Variants in PDE6C observed in about 807,000 individuals in gnomAD.
PDE6C encodes the protein cone cGMP-specific 3',5'-cyclic phosphodiesterase subunit alpha'.
A neutral mutation model predicts 113.1 loss-of-function variants in PDE6C; 75 were observed. That is an observed-to-expected ratio of 0.66 (90% CI 0.55 to 0.80). The LOEUF is 0.80. Among genes scored for constraint, PDE6C ranks in the 30% least tolerant of loss-of-function variants. The pLI is 0.00. For missense variants in PDE6C, 912 were observed against 1,038.6 expected (o/e 0.88, Z 1.67); for synonymous variants, 375 against 363.7 (o/e 1.03, Z -0.35).
intron 18 of PDE6C, among the ~76,000 whole-genome samples, chr10:93,659,422 G>A (rs1272095828): frequency 6.6e-6 from 1 of 152,148 alleles, no homozygotes; most frequent in Non-Finnish European, 1.5e-5. Flanking sequence ...AGAAATGTCT[G>A]AGTTTTTAAA....
At chr10:93,621,138 G>A (rs867462463) in intron 3 of PDE6C, among the ~76,000 whole-genome samples, 158 bp downstream of exon 3, 4 of 151,814 alleles carry the variant, frequency 2.6e-5, no homozygotes, top group Admixed American at 1.3e-4. Context: ...TGATCTTCCC[G>A]CCACTCTCCC....
chr10:93,619,746 C>T (rs560719396), intron 1 of PDE6C, among the ~76,000 whole-genome samples: 2 of 152,294 alleles, frequency 1.3e-5, no homozygotes, highest in East Asian at 3.9e-4. Context: ...AACCTTTCAT[C>T]AAAGTAATCT....
chr10:93,648,776 T>C (rs909982158), intron 15 of PDE6C, among the ~76,000 whole-genome samples: 1 of 152,218 alleles, frequency 6.6e-6, no homozygotes, highest in Non-Finnish European at 1.5e-5. Context: ...TAGAATATAC[T>C]GTAGAAATGA....
In PDE6C at chr10:93,640,171, G is replaced by GT; in HGVS notation, c.1590dup (p.Glu531Ter). The GT allele has an allele frequency of 6.2e-7, 1 of 1,613,558 alleles. No individual in the cohort carries two copies. ...GATTGATTAAATGTGGAATACGACT[G>GT]TTTTTTGAAATAAATGTGGTGGAGA... On this transcript the variant is annotated frameshift_variant, in exon 12 of 22. Coordinates refer to ENST00000371447, the MANE Select transcript of PDE6C (RefSeq NM_006204.4). LOFTEE classifies it high-confidence loss of function.
intron 15 of PDE6C, among the ~76,000 whole-genome samples, chr10:93,655,396 T>A (rs983922809): frequency 1.1e-4 from 16 of 151,666 alleles, no homozygotes; most frequent in Non-Finnish European, 2.2e-4. Context: ...AAATTCTTTA[T>A]TAAAGCTTCT....
chr10:93,613,387 C>T (rs2058402548), intron 1 of PDE6C, among the ~76,000 whole-genome samples, 182 bp downstream of exon 1: 1 of 152,162 alleles, frequency 6.6e-6, no homozygotes, highest in Admixed American at 6.5e-5. Context: ...TTTCAAGTTG[C>T]CCAGTTGAAC....
At chr10:93,651,821 T>A (rs1290632152) in intron 15 of PDE6C, among the ~76,000 whole-genome samples, 1 of 152,200 alleles carries the variant, frequency 6.6e-6, no homozygotes, top group Non-Finnish European at 1.5e-5. Context: ...AATACAAATG[T>A]ACATCAGCAT....
At chr10:93,639,099 G>A (rs571933086) in intron 11 of PDE6C, among the ~76,000 whole-genome samples, 13 of 152,088 alleles carry the variant, frequency 8.5e-5, no homozygotes, top group Non-Finnish European at 1.9e-4. Flanking sequence ...GATCTGTCTG[G>A]TAGGCCCACA....
chr10:93,658,694 A>C (rs920750809), intron 16 of PDE6C, among the ~76,000 whole-genome samples: 1 of 147,004 alleles, frequency 6.8e-6, no homozygotes, highest in African/African-American at 2.6e-5. Context: ...CTCTCTCTGT[A>C]TGGTTTGTGC....
chr10:93,662,577 C>A lies in PDE6C; in HGVS notation c.2301C>A (p.Asn767Lys), dbSNP rs376305734. Reference protein sequence around the residue: ...QQQPIPMMDRNKRDELPKLQV... With the variant: ...QQQPIPMMDRKKRDELPKLQV... Reference sequence around the variant, plus strand: ...CTTTCTAGCCTATGATGGACAGAAACAAAAGAGATGAATTACCTAAACTTC... The same window carrying A: ...CTTTCTAGCCTATGATGGACAGAAAAAAAAGAGATGAATTACCTAAACTTC... Residue 767 changes from asparagine (N) to lysine (K), a missense_variant, in exon 20 of 22, where the codon AAC becomes AAA. By Grantham distance (94) the Asn-to-Lys change is moderately conservative. Coordinates refer to ENST00000371447, the MANE Select transcript of PDE6C (RefSeq NM_006204.4). 7 of 1,493,496 alleles carry A rather than the reference C, an allele frequency of 4.7e-6. No homozygotes were observed. Among genetic ancestry groups the A allele is most frequent in the Non-Finnish European group, 6.5e-6 (7 of 1,073,302 alleles). 92.5% of individuals were successfully genotyped at this position (1,493,496 alleles called of 1,614,324 possible). A position where few individuals can be genotyped will look rare whatever the true frequency, so the allele number is the denominator to read the frequency against.
At chr10:93,639,493 C>T (rs1428948378) in intron 11 of PDE6C, among the ~76,000 whole-genome samples, 1 of 152,166 alleles carries the variant, frequency 6.6e-6, no homozygotes, top group East Asian at 1.9e-4. Flanking sequence ...TACTGCAGGG[C>T]AATCATTGGT....
At chr10:93,624,440 G>A (rs1443594234) in intron 4 of PDE6C, among the ~76,000 whole-genome samples, 3 of 152,112 alleles carry the variant, frequency 2.0e-5, no homozygotes, top group South Asian at 2.1e-4. Context: ...ATTTCGCCAC[G>A]TTGGCCAGAC....
At chr10:93,650,050 C>T (rs1331137219) in intron 15 of PDE6C, among the ~76,000 whole-genome samples, 2 of 152,172 alleles carry the variant, frequency 1.3e-5, no homozygotes, top group Non-Finnish European at 1.5e-5. Context: ...TCCCACTGTC[C>T]ACTCCCAGCC....
intron 8 of PDE6C, among the ~76,000 whole-genome samples, chr10:93,631,163 G>A (rs1050914291): frequency 1.3e-5 from 2 of 152,154 alleles, no homozygotes; most frequent in Non-Finnish European, 2.9e-5. Flanking sequence ...GGGCCTCCCC[G>A]GGGCCTTGGG....
intron 4 of PDE6C, among the ~76,000 whole-genome samples, chr10:93,623,154 G>C (rs1842322689): frequency 6.6e-6 from 1 of 152,180 alleles, no homozygotes; most frequent in Admixed American, 6.5e-5. Flanking sequence ...GCTGATGTTA[G>C]TATTTGGGGT....
intron 1 of PDE6C, among the ~76,000 whole-genome samples, chr10:93,616,006 C>T (rs1011864303): frequency 2.6e-5 from 4 of 152,106 alleles, no homozygotes; most frequent in Non-Finnish European, 5.9e-5. Flanking sequence ...TTGCTTTAGC[C>T]GCTGCAGTAA....
At chr10:93,663,248 A>G in intron 21 of PDE6C, 70 bp downstream of exon 21, 1 of 1,447,858 alleles carries the variant, frequency 6.9e-7, no homozygotes, top group South Asian at 1.2e-5. Flanking sequence ...GGCATGTGAC[A>G]AAGCCATAAA....
chr10:93,656,826 C>T (rs1245368671), intron 16 of PDE6C, among the ~76,000 whole-genome samples: 1 of 152,084 alleles, frequency 6.6e-6, no homozygotes, highest in Admixed American at 6.6e-5. Context: ...ACCTGGCCCT[C>T]CCAAAGTGCT....
At chr10:93,664,971 C>T (rs974818912) in intron 21 of PDE6C, among the ~76,000 whole-genome samples, 3 of 152,198 alleles carry the variant, frequency 2.0e-5, no homozygotes, top group South Asian at 4.1e-4. Flanking sequence ...CAGATTCAAG[C>T]GATTCTCCCA....
Sources: allele counts gnomAD v4.1 joint callset (sites outside exome capture counted in the v4.1 genomes callset), GRCh38; gene constraint gnomAD v4.1.1; transcripts MANE v1.5; gene names NCBI Gene and HGNC (gene_info 2026-07-23, HGNC 2026-07-21).